Variants in SYT1 observed in about 807,000 individuals in gnomAD.
The protein encoded by SYT1 is synaptotagmin-1.
A neutral mutation model predicts 44.8 loss-of-function variants in SYT1; 8 were observed. The ratio of observed to expected loss-of-function variants is 0.18; its 90% confidence interval spans 0.10 to 0.32. SYT1 has a LOEUF of 0.32. Ranked by LOEUF, SYT1 falls within the 10% of genes least tolerant of loss-of-function variation. The pLI, the probability that SYT1 is intolerant of heterozygous loss-of-function variation, is 1.00. For synonymous variants in SYT1, 154 were observed against 188.8 expected, an observed-to-expected ratio of 0.82 and a Z score of 1.51; for missense variants, 286 against 509.3, an observed-to-expected ratio of 0.56 and a Z score of 4.22.
intron 9 of SYT1, among the ~76,000 whole-genome samples, chr12:79,358,072 C>T (rs1489209480): frequency 6.6e-6 from 1 of 152,138 alleles, no homozygotes. Context: ...TCATAGCAAT[C>T]ACTTTCCTCA....
At chr12:79,303,799 T>C (rs1354649795) in intron 8 of SYT1, among the ~76,000 whole-genome samples, 1 of 152,202 alleles carries the variant, frequency 6.6e-6, no homozygotes, top group Admixed American at 6.5e-5. Context: ...AATTCCTTAG[T>C]ACTTCCTTGG....
At chr12:78,891,214 G>A (rs544361390) in intron 1 of SYT1, among the ~76,000 whole-genome samples, 14 of 151,864 alleles carry the variant, frequency 9.2e-5, no homozygotes, top group Admixed American at 5.3e-4. Context: ...GTTGCTAGCC[G>A]CCAACATATA....
intron 2 of SYT1, among the ~76,000 whole-genome samples, chr12:79,026,667 T>TTTTATATATATA (rs1298013189): frequency 8.8e-5 from 9 of 102,258 alleles, no homozygotes; most frequent in South Asian, 3.4e-4. Flanking sequence ...CATATATATT[T>TTTTATATATATA]TATATATATA....
chr12:79,271,904 G>T (rs1243108915), intron 4 of SYT1, among the ~76,000 whole-genome samples: 1 of 152,086 alleles, frequency 6.6e-6, no homozygotes, highest in Non-Finnish European at 1.5e-5. Flanking sequence ...TTATACATTT[G>T]CACACATTTA....
chr12:79,005,353 T>C (rs1010656333), intron 2 of SYT1, among the ~76,000 whole-genome samples: 2 of 152,036 alleles, frequency 1.3e-5, no homozygotes, highest in African/African-American at 4.8e-5. Flanking sequence ...ATTAAGAACA[T>C]GGAATTTAAG....
intron 2 of SYT1, among the ~76,000 whole-genome samples, chr12:79,040,661 C>T (rs1565776341): frequency 6.6e-6 from 1 of 152,080 alleles, no homozygotes; most frequent in Non-Finnish European, 1.5e-5. Context: ...TCTTTTGTTG[C>T]CATTGCTTTT....
intron 2 of SYT1, among the ~76,000 whole-genome samples, chr12:79,028,572 T>A (rs1050093385): frequency 1.3e-5 from 2 of 151,290 alleles, no homozygotes; most frequent in African/African-American, 2.4e-5. Context: ...ACTCAATACA[T>A]CTTTGTTGGA....
At chr12:78,983,667 G>A (rs949307737) in intron 2 of SYT1, among the ~76,000 whole-genome samples, 2 of 152,028 alleles carry the variant, frequency 1.3e-5, no homozygotes, top group African/African-American at 2.4e-5. Context: ...ACATATAAAT[G>A]TCTGAATACA....
At position 78,905,386 on chromosome 12, in the gene SYT1, C is replaced by G. The variant is rs1027829399; in HGVS notation, c.-217+40277C>G. The stretch of plus-strand genomic sequence containing the variant: ...CCAATTTCATGGAGAATTGGAAACT[C>G]TCCCTATCCAAATTATCTAACTTGT... On this transcript the variant is annotated intron_variant, in intron 1 of 10. Transcript: ENST00000261205. Among the ~76,000 whole-genome samples, 3 of 152,014 alleles carry G rather than the reference C, an allele frequency of 2.0e-5. No homozygotes were observed. The East Asian group carries it at 5.8e-4, about 29-fold the overall frequency.
At chr12:79,024,958 T>A (rs536170670) in intron 2 of SYT1, among the ~76,000 whole-genome samples, 1 of 151,910 alleles carries the variant, frequency 6.6e-6, no homozygotes, top group South Asian at 2.1e-4. Context: ...TTGTGACCTT[T>A]GATAGTCTAA....
intron 1 of SYT1, among the ~76,000 whole-genome samples, chr12:78,875,671 A>G (rs1874029310): frequency 1.3e-5 from 2 of 151,730 alleles, no homozygotes; most frequent in Admixed American, 1.3e-4. Flanking sequence ...ATCATGTATA[A>G]TCTCACCATG....
chr12:79,360,129 C>G (rs1040868668), intron 9 of SYT1, among the ~76,000 whole-genome samples: 5 of 152,082 alleles, frequency 3.3e-5, no homozygotes, highest in African/African-American at 1.2e-4. Context: ...AACTACACTT[C>G]AGAGGCTTAA....
chr12:78,975,937 T>G (rs1264249703), intron 1 of SYT1, among the ~76,000 whole-genome samples: 3 of 152,214 alleles, frequency 2.0e-5, no homozygotes, highest in Admixed American at 2.0e-4. Flanking sequence ...TAATCCCAGA[T>G]AGCAGTAGCT....
intron 3 of SYT1, among the ~76,000 whole-genome samples, chr12:79,048,332 G>T (rs1475004862): frequency 6.6e-6 from 1 of 151,716 alleles, no homozygotes; most frequent in African/African-American, 2.4e-5. Flanking sequence ...AATTATTCCT[G>T]CATAATAACA....
chr12:79,031,764 A>G (rs991134035), intron 2 of SYT1, among the ~76,000 whole-genome samples: 5 of 151,096 alleles, frequency 3.3e-5, no homozygotes, highest in African/African-American at 1.2e-4. Context: ...GACATAGAAT[A>G]AGATATAATA....
At chr12:79,182,825 T>G (rs1207716034) in intron 3 of SYT1, among the ~76,000 whole-genome samples, 1 of 152,094 alleles carries the variant, frequency 6.6e-6, no homozygotes, top group African/African-American at 2.4e-5. Flanking sequence ...AAATCAGTTC[T>G]GTTACTTCTG....
rs145039259 is a variant in SYT1 at position 79,179,520 on chromosome 12, TATATAGATATAG to T, written c.-17-37969_-17-37958del. On this transcript the variant is annotated intron_variant, in intron 3 of 10. Transcript: ENST00000261205. ...ATATAGATATAGATATAGATATATC[TATATAGATATAG>T]ATATAGATATAGAGATATAGATATA... Among the ~76,000 whole-genome samples the T allele has an allele frequency of 1.8e-3, 21 of 11,992 alleles. 2 individuals carry two copies. In the South Asian group the frequency reaches 0.02, roughly 12 times the overall value. 7.9% of individuals were successfully genotyped at this position (11,992 alleles called of 152,430 possible).
chr12:79,078,640 A>T (rs1876822100), intron 3 of SYT1, among the ~76,000 whole-genome samples: 1 of 151,958 alleles, frequency 6.6e-6, no homozygotes, highest in African/African-American at 2.4e-5. Flanking sequence ...CCCATCACCT[A>T]GGTATTATGC....
intron 1 of SYT1, among the ~76,000 whole-genome samples, chr12:78,874,181 T>C (rs1565696126): frequency 6.6e-6 from 1 of 151,528 alleles, no homozygotes; most frequent in Non-Finnish European, 1.5e-5. Context: ...AGTGAGAAAG[T>C]AGTGGAAAAA....
Sources: allele counts gnomAD v4.1 joint callset (sites outside exome capture counted in the v4.1 genomes callset), GRCh38; gene constraint gnomAD v4.1.1; transcripts MANE v1.5; gene names NCBI Gene and HGNC (gene_info 2026-07-23, HGNC 2026-07-21).